INPP4B: variants seen among roughly 807,000 people sequenced by gnomAD.
INPP4B encodes inositol polyphosphate-4-phosphatase type II B.
INPP4B carries 55 observed loss-of-function variants against 122.5 expected under a neutral mutation model. The observed-to-expected ratio is 0.45, with a 90% CI of 0.36 to 0.56. The LOEUF is 0.56. Among genes scored for constraint, INPP4B ranks in the 20% least tolerant of loss-of-function variants. The pLI is 0.00. For missense variants in INPP4B, 1,000 were observed against 1,097.7 expected (o/e 0.91, Z 1.26); for synonymous variants, 403 against 388.7 (o/e 1.04, Z -0.43).
In INPP4B at chr4:142,046,612, G is replaced by A. The variant is rs536638415; in HGVS notation, c.2643-17698C>T. Reference sequence around the variant, plus strand: ...TAGAGGCTAGAGTGAAAAGAAAGAGGAGGGAATAAGGTAGGAAAAGCTGAT... The same window carrying A: ...TAGAGGCTAGAGTGAAAAGAAAGAGAAGGGAATAAGGTAGGAAAAGCTGAT... On this transcript the variant is annotated intron_variant, in intron 25 of 25. Coordinates refer to ENST00000262992, the MANE Select transcript of INPP4B (RefSeq NM_001101669.3). Among the ~76,000 whole-genome samples the A allele has an allele frequency of 3.9e-5, 6 of 152,202 alleles. No homozygotes were observed. In the South Asian group the frequency reaches 1.0e-3, roughly 26 times the overall value.
chr4:142,312,474 G>A (rs1451374361), intron 8 of INPP4B, among the ~76,000 whole-genome samples: 1 of 152,042 alleles, frequency 6.6e-6, no homozygotes, highest in African/African-American at 2.4e-5. Context: ...ACCTCCACTG[G>A]GAACTGATTG....
chr4:142,288,547 C>A (rs2150930627), intron 9 of INPP4B, among the ~76,000 whole-genome samples: 1 of 152,234 alleles, frequency 6.6e-6, no homozygotes, highest in African/African-American at 2.4e-5. Flanking sequence ...TCGGCCACTG[C>A]ACTCCAGCCT....
At chr4:142,548,761 G>C (rs1358409525) in intron 2 of INPP4B, among the ~76,000 whole-genome samples, 1 of 148,802 alleles carries the variant, frequency 6.7e-6, no homozygotes, top group African/African-American at 2.5e-5. Context: ...GTGTGTGTGT[G>C]TGTGTGTGTG....
At chr4:142,053,587 G>GGCC (rs1560952023) in intron 25 of INPP4B, among the ~76,000 whole-genome samples, 3 of 151,546 alleles carry the variant, frequency 2.0e-5, no homozygotes, top group African/African-American at 7.3e-5. Flanking sequence ...TGTACCTGTA[G>GGCC]TCATGGCCCA....
chr4:142,665,245 C>A (rs1755819460), intron 2 of INPP4B, among the ~76,000 whole-genome samples: 1 of 152,140 alleles, frequency 6.6e-6, no homozygotes, highest in Non-Finnish European at 1.5e-5. Flanking sequence ...ATAATCCCAG[C>A]ACTTTGGGAG....
At chr4:142,107,673 A>G (rs1787839258) in intron 23 of INPP4B, among the ~76,000 whole-genome samples, 1 of 152,132 alleles carries the variant, frequency 6.6e-6, no homozygotes, top group Admixed American at 6.6e-5. Context: ...ATTTTGTTCA[A>G]CTGGTATTAT....
chr4:142,454,705 C>A (rs1008838026), intron 3 of INPP4B, among the ~76,000 whole-genome samples: 7 of 152,084 alleles, frequency 4.6e-5, no homozygotes, highest in African/African-American at 1.7e-4. Flanking sequence ...GGACATTGGG[C>A]AATTTACTTA....
At chr4:142,476,083 CAGTT>C (rs1170425196) in intron 2 of INPP4B, among the ~76,000 whole-genome samples, 5 of 152,076 alleles carry the variant, frequency 3.3e-5, no homozygotes, top group African/African-American at 1.2e-4. Flanking sequence ...ATATTGAAGG[CAGTT>C]AGAGAGAAGG....
chr4:142,435,670 G>A (rs1239780288), intron 3 of INPP4B, among the ~76,000 whole-genome samples: 1 of 152,220 alleles, frequency 6.6e-6, no homozygotes, highest in Non-Finnish European at 1.5e-5. Context: ...GCCCACCTGA[G>A]AGCCATACGG....
At chr4:142,538,004 A>G (rs550872272) in intron 2 of INPP4B, among the ~76,000 whole-genome samples, 48 of 152,216 alleles carry the variant, frequency 3.2e-4, no homozygotes, top group African/African-American at 1.1e-3. Flanking sequence ...CTTAACTTTA[A>G]AAAGTGTTGG....
intron 3 of INPP4B, among the ~76,000 whole-genome samples, chr4:142,445,143 A>G (rs376067422): frequency 6.6e-6 from 1 of 152,054 alleles, no homozygotes; most frequent in Non-Finnish European, 1.5e-5. Flanking sequence ...TAACAAACCT[A>G]CACGTTCTGC....
At chr4:142,499,137 C>T (rs1823026460) in intron 2 of INPP4B, among the ~76,000 whole-genome samples, 2 of 152,252 alleles carry the variant, frequency 1.3e-5, no homozygotes, top group East Asian at 1.9e-4. Context: ...TCCTTCATTC[C>T]TGTGATCTGC....
intron 9 of INPP4B, among the ~76,000 whole-genome samples, chr4:142,274,056 T>A (rs1907113): frequency 0.8 from 121,494 of 151,616 alleles, 49,155 homozygotes; most frequent in East Asian, 0.93. Flanking sequence ...TTCAAAGATG[T>A]CTTAAAGATT....
chr4:142,791,303 T>C (rs751161329), intron 1 of INPP4B, among the ~76,000 whole-genome samples: 2 of 152,146 alleles, frequency 1.3e-5, no homozygotes, highest in Non-Finnish European at 2.9e-5. Context: ...CTATAAGAGC[T>C]TTTGTTTCAT....
intron 2 of INPP4B, among the ~76,000 whole-genome samples, chr4:142,486,199 A>C (rs1183763727): frequency 2.6e-5 from 4 of 152,192 alleles, no homozygotes; most frequent in African/African-American, 7.2e-5. Flanking sequence ...CAATAAACTA[A>C]CTACCAAGAT....
intron 2 of INPP4B, among the ~76,000 whole-genome samples, chr4:142,469,630 G>A (rs1818443123): frequency 6.6e-6 from 1 of 152,116 alleles, no homozygotes; most frequent in South Asian, 2.1e-4. Flanking sequence ...AGAAATGGCT[G>A]AGAAAGTGAT....
At chr4:142,283,474 T>C (rs993647110) in intron 9 of INPP4B, among the ~76,000 whole-genome samples, 1 of 152,174 alleles carries the variant, frequency 6.6e-6, no homozygotes, top group Non-Finnish European at 1.5e-5. Flanking sequence ...AATATGCCAT[T>C]AGGCAATTTT....
intron 7 of INPP4B, among the ~76,000 whole-genome samples, chr4:142,344,769 G>T (rs1426243273): frequency 6.6e-6 from 1 of 151,926 alleles, no homozygotes; most frequent in Non-Finnish European, 1.5e-5. Flanking sequence ...ATGGACATAG[G>T]TTTAGTACCT....
chr4:142,069,321 A>G (rs916154793), intron 25 of INPP4B, among the ~76,000 whole-genome samples: 3 of 152,326 alleles, frequency 2.0e-5, no homozygotes, highest in African/African-American at 7.2e-5. Flanking sequence ...TCTCTGGGAC[A>G]CATTTAAAGC....
Sources: gnomAD v4.1 joint callset for allele counts (sites outside exome capture counted in the v4.1 genomes callset) on GRCh38, gnomAD v4.1.1 for gene constraint, MANE v1.5 for transcripts, NCBI Gene and HGNC (gene_info 2026-07-23, HGNC 2026-07-21) for gene names.